CYP27C1: variants seen among roughly 807,000 people sequenced by gnomAD.
CYP27C1 encodes the protein cytochrome P450 family 27 subfamily C member 1.
CYP27C1 carries 29 observed loss-of-function variants against 40.6 expected under a neutral mutation model. The observed-to-expected ratio is 0.71, with a 90% confidence interval of 0.53 to 0.97. The LOEUF is 0.97. CYP27C1 is among the 50% of genes least tolerant of loss of function. The pLI is 0.00. For missense variants in CYP27C1, 390 were observed against 485.8 expected, an observed-to-expected ratio of 0.80 and a Z score of 1.85; for synonymous variants, 198 against 186.8, an observed-to-expected ratio of 1.06 and a Z score of -0.49.
At chr2:127,198,082 G>T (rs1682946956) in intron 5 of CYP27C1, among the ~76,000 whole-genome samples, 1 of 152,018 alleles carries the variant, frequency 6.6e-6, no homozygotes, top group Admixed American at 6.6e-5. Flanking sequence ...TTCCCCCCAG[G>T]TTAATGGGCA....
At chr2:127,204,106 A>T (rs1244921236) in intron 2 of CYP27C1, among the ~76,000 whole-genome samples, 3 of 151,318 alleles carry the variant, frequency 2.0e-5, no homozygotes, top group Non-Finnish European at 4.4e-5. Flanking sequence ...CTCTACCAAA[A>T]ATAGAAAAAT....
chr2:127,187,577 C>G (rs1344928675), intron 8 of CYP27C1, among the ~76,000 whole-genome samples, 190 bp from the exon 9 acceptor site: 1 of 152,184 alleles, frequency 6.6e-6, no homozygotes, highest in South Asian at 2.1e-4. Flanking sequence ...GGAAACAGAA[C>G]TTTAGATCCC....
rs1413954913 is a variant in CYP27C1 at position 127,219,966 on chromosome 2, C to T, written c.282+23G>A. ...TCTGGGCAGCAGCCCGGGCTGGCTC[C>T]CTCCCGGGGCGGCGCGCGCTACCTG... On this transcript the variant is annotated intron_variant, in intron 1 of 8. Transcript: ENST00000664447. This position sits in a 1 kb window ranked among gnomAD's most constrained non-coding sequence, Gnocchi z 8.7. 1 of 152,210 alleles carries T rather than the reference C, an allele frequency of 6.6e-6. No homozygotes were observed. Among genetic ancestry groups the T allele is most frequent in the African/African-American group, 2.4e-5 (1 of 41,434 alleles). 9.4% of individuals were successfully genotyped at this position (152,210 alleles called of 1,614,324 possible).
At chr2:127,203,705 G>C in intron 2 of CYP27C1, 134 bp from the exon 3 acceptor site, 1 of 877,850 alleles carries the variant, frequency 1.1e-6, no homozygotes, top group Non-Finnish European at 1.7e-6. Context: ...ATTAAGACAG[G>C]AAAGACTTTT....
chr2:127,190,932 T>G (rs1311646776), intron 8 of CYP27C1, among the ~76,000 whole-genome samples: 6 of 89,450 alleles, frequency 6.7e-5, no homozygotes, highest in African/African-American at 4.6e-5. Flanking sequence ...GGTGACAGGG[T>G]GAGACTCTGA....
At chr2:127,193,713 C>G (rs996775424) in intron 7 of CYP27C1, 76 bp downstream of exon 7, 28 of 1,512,542 alleles carry the variant, frequency 1.9e-5, no homozygotes, top group Admixed American at 5.1e-5. Flanking sequence ...GGGACAAAGA[C>G]TTCCTGAAGG....
intron 8 of CYP27C1, among the ~76,000 whole-genome samples, chr2:127,187,921 T>C (rs2104669935): frequency 6.6e-6 from 1 of 152,334 alleles, no homozygotes; most frequent in South Asian, 2.1e-4. Context: ...TTCTCATTTC[T>C]ACAGTTCAAA....
At position 127,196,139 on chromosome 2, in the gene CYP27C1, T is replaced by C. The variant is rs1256611691; in HGVS notation, c.1048-638A>G. The stretch of plus-strand genomic sequence containing the variant: ...ATGCAGTGACGCGATCTCGGCTCAC[T>C]GCAAGCTCTGCCTCCCGGGTTCATG... On this transcript the variant is annotated intron_variant, in intron 5 of 8. Transcript: ENST00000664447. The surrounding 1 kb of genome is among the most constrained non-coding windows in gnomAD (Gnocchi z 4.5). Among the ~76,000 whole-genome samples the C allele has an allele frequency of 6.6e-6, 1 of 151,962 alleles. No individual in the cohort carries two copies. The highest frequency in any genetic ancestry group is 1.5e-5 in the Non-Finnish European group (1 of 67,986).
chr2:127,189,621 TAAA>T (rs34402051), intron 8 of CYP27C1, among the ~76,000 whole-genome samples: 3 of 141,318 alleles, frequency 2.1e-5, no homozygotes, highest in Admixed American at 7.0e-5. Flanking sequence ...AAAGTAAAAT[TAAA>T]AAAAAAAAAA....
Position 127,204,388 on chromosome 2 carries a change from AAAAG to A in CYP27C1, c.474-821_474-818del, listed in dbSNP as rs373446642. ...GAAGGAAAGAGAGAGAGAAAGAAAGAAAAGAAAGAGAGAGAGAAAGAAAGAAAAG... is the reference window on the plus strand; with the variant it reads ...GAAGGAAAGAGAGAGAGAAAGAAAGAAAAGAGAGAGAGAAAGAAAGAAAAG... On this transcript the variant is annotated intron_variant, in intron 2 of 8. Transcript: ENST00000664447. Among the ~76,000 whole-genome samples the A allele has an allele frequency of 9.5e-3, 1,132 of 119,430 alleles. 92 individuals are homozygous for A. Among genetic ancestry groups the A allele is most frequent in the African/African-American group, 0.035 (1,093 of 30,930 alleles). 78.4% of individuals were successfully genotyped at this position (119,430 alleles called of 152,430 possible).
intron 1 of CYP27C1, among the ~76,000 whole-genome samples, chr2:127,207,102 G>A (rs747787423): frequency 1.3e-5 from 2 of 152,190 alleles, no homozygotes; most frequent in Admixed American, 6.5e-5. Flanking sequence ...GCTCATGCCT[G>A]TCTGTAATCC....
At position 127,199,477 on chromosome 2, in the gene CYP27C1, C is replaced by G. The variant is rs1214601622; in HGVS notation, c.946G>C (p.Val316Leu). 6.2e-7 allele frequency: 1 copy of G among 1,614,108 alleles called. No individual in the cohort carries two copies. The highest frequency in any genetic ancestry group is 8.5e-7 in the Non-Finnish European group (1 of 1,180,034). Residue 316 changes from valine (V) to leucine (L), a missense_variant, in exon 5 of 9, where the codon GTG becomes CTG. By Grantham distance (32) the Val-to-Leu change is conservative. Transcript: ENST00000664447. ...AGGTATGTGAGAAGTCCCCCGCTCA[C>G]CCTCCGGCCTCGGTCCATTTGGTAC... Reference protein sequence around the residue: ...IQYQMDRGRRVSGGLLTYLFL... With the variant: ...IQYQMDRGRRLSGGLLTYLFL...
At position 127,203,378 on chromosome 2, in the gene CYP27C1, T is replaced by C; in HGVS notation, c.667A>G (p.Met223Val). The change falls in exon 3 of 9, where the codon ATG becomes GTG. Residue 223 changes from methionine (M) to valine (V), a missense_variant. Met to Val is a conservative substitution (Grantham distance 21). Transcript: ENST00000664447. The part of the protein sequence containing the change: ...NVNDLFFKYS[M>V]EGVATILYES... The stretch of plus-strand genomic sequence containing the variant: ...CCTGCTGATTCCACCTCACCTTCCA[T>C]TGAATATTTGAAGAAAAGATCATTG... 6.2e-7 allele frequency: 1 copy of C among 1,612,382 alleles called. No individual in the cohort carries two copies. Among genetic ancestry groups the C allele is most frequent in the South Asian group, 1.1e-5 (1 of 90,562 alleles).
rs1237714310 is a variant in CYP27C1, at chr2:127,196,425, T to C, written c.1048-924A>G. On this transcript the variant is annotated intron_variant, in intron 5 of 8. Coordinates refer to ENST00000664447, the MANE Select transcript of CYP27C1 (RefSeq NM_001367502.1). The surrounding 1 kb of genome is among the most constrained non-coding windows in gnomAD (Gnocchi z 4.5). ...CTTATTGAAAATAATTGTTTTATTCTCGTAGGTCCCAAGATTTTCGCTAAA... is the reference window on the plus strand; with the variant it reads ...CTTATTGAAAATAATTGTTTTATTCCCGTAGGTCCCAAGATTTTCGCTAAA... Among the ~76,000 whole-genome samples the C allele has an allele frequency of 6.6e-6, 1 of 152,152 alleles. No homozygotes were observed. The highest frequency in any genetic ancestry group is 2.4e-5 in the African/African-American group (1 of 41,440).
In CYP27C1 at chr2:127,183,998, C is replaced by A. The variant is rs1682560044; in HGVS notation, c.*3273G>T. The stretch of plus-strand genomic sequence containing the variant: ...CAGCCTCCCCACCTTCCCACACACA[C>A]AATACCCACCTCCTGCAGCAAGCTG... On this transcript the variant is annotated 3_prime_UTR_variant, in exon 9 of 9. Coordinates refer to ENST00000664447, the MANE Select transcript of CYP27C1 (RefSeq NM_001367502.1). This position sits in a 1 kb window ranked among gnomAD's most constrained non-coding sequence, Gnocchi z 5.1. 1 of 152,518 alleles carries A rather than the reference C, an allele frequency of 6.6e-6. No individual in the cohort carries two copies. The highest frequency in any genetic ancestry group is 2.1e-4 in the South Asian group (1 of 4,826). The allele number at this position is 152,518 out of a possible 1,614,324, so 9.4% of individuals were successfully genotyped here. A position where few individuals can be genotyped will look rare whatever the true frequency, so the allele number is the denominator to read the frequency against.
chr2:127,199,312 C>T, intron 5 of CYP27C1, 64 bp downstream of exon 5: 1 of 1,579,906 alleles, frequency 6.3e-7, no homozygotes, highest in South Asian at 1.1e-5. Flanking sequence ...TAGACAACGT[C>T]CATGAGGTGA....
intron 7 of CYP27C1, 71 bp from the exon 8 acceptor site, chr2:127,193,368 C>A: frequency 5.0e-6 from 8 of 1,585,452 alleles, no homozygotes; most frequent in Non-Finnish European, 6.9e-6. Context: ...GGGCCCAGAG[C>A]CCTAGCCGGA....
chr2:127,192,264 C>G (rs1329377112), intron 8 of CYP27C1, among the ~76,000 whole-genome samples: 30 of 152,150 alleles, frequency 2.0e-4, no homozygotes, highest in Admixed American at 2.0e-3. Flanking sequence ...ACCAGGCACT[C>G]CCCACATTCT....
chr2:127,202,660 C>T (rs1187678515), intron 3 of CYP27C1, among the ~76,000 whole-genome samples: 1 of 152,000 alleles, frequency 6.6e-6, no homozygotes, highest in Non-Finnish European at 1.5e-5. Context: ...ACCACTCATT[C>T]AATATGACTA....
Sources: gnomAD v4.1 joint callset for allele counts (sites outside exome capture counted in the v4.1 genomes callset) on GRCh38, gnomAD v4.1.1 for gene constraint, Gnocchi (gnomAD v3.1) non-coding constraint, MANE v1.5 for transcripts, NCBI Gene and HGNC (gene_info 2026-07-23, HGNC 2026-07-21) for gene names.